DMD: variants seen among roughly 807,000 people sequenced by gnomAD.
The protein encoded by DMD is dystrophin, also known as mutant dystrophin.
DMD carries 63 observed loss-of-function variants against 330.1 expected under a neutral mutation model. That is an observed-to-expected ratio of 0.19 (90% CI 0.16 to 0.24). DMD has a LOEUF of 0.24. Among genes scored for constraint, DMD ranks in the 10% least tolerant of loss-of-function variants. The pLI, the probability that DMD is intolerant of heterozygous loss-of-function variation, is 1.00. For missense variants in DMD, 3,344 were observed against 2,684.1 expected (o/e 1.25, Z -5.43); for synonymous variants, 1,223 against 959.8 (o/e 1.27, Z -5.07).
chrX:32,402,746 A>C lies in DMD; in HGVS notation c.4233+9006T>G, dbSNP rs377637889. 1.0e-3 allele frequency among the ~76,000 whole-genome samples: 112 copies of C among 111,702 alleles called. 1 individual carries two copies. The highest frequency in any genetic ancestry group is 3.5e-3 in the African/African-American group (107 of 30,772). The stretch of plus-strand genomic sequence containing the variant: ...TTCAAAGTATTTTGGAAAGGTTTTC[A>C]GAGCTTCAAAGTTGGGCAATCATAA... On this transcript the variant is annotated intron_variant, in intron 30 of 78. Transcript: ENST00000357033.
intron 25 of DMD, among the ~76,000 whole-genome samples, chrX:32,458,779 T>C (rs1225616131): frequency 8.9e-6 from 1 of 111,843 alleles, no homozygotes; most frequent in Non-Finnish European, 1.9e-5. Context: ...CTGTTGGTCA[T>C]TTCTACGTAT....
At chrX:32,866,752 G>GGGGT (rs2082539861) in intron 2 of DMD, among the ~76,000 whole-genome samples, 1 of 84,104 alleles carries the variant, frequency 1.2e-5, no homozygotes, top group Admixed American at 1.4e-4. Context: ...TGGGGGGGGG[G>GGGGT]GGACAGAGTT....
chrX:31,860,843 C>G (rs1490290519), intron 48 of DMD, among the ~76,000 whole-genome samples: 1 of 112,051 alleles, frequency 8.9e-6, no homozygotes, highest in Admixed American at 9.5e-5. Context: ...AAAATGAAAG[C>G]AAATATTTAC....
intron 54 of DMD, among the ~76,000 whole-genome samples, chrX:31,651,975 G>T (rs1447576615): frequency 8.9e-6 from 1 of 111,741 alleles, no homozygotes. Flanking sequence ...AAAGTCCACA[G>T]GCCTAAAAGG....
chrX:31,977,774 G>A (rs1242982998), intron 44 of DMD, among the ~76,000 whole-genome samples: 4 of 89,078 alleles, frequency 4.5e-5, no homozygotes, highest in Non-Finnish European at 6.5e-5. Context: ...GACTGGGCAC[G>A]CCCTCTGCAA....
chrX:32,401,160 A>G (rs1206961718), intron 30 of DMD, among the ~76,000 whole-genome samples: 35 of 85,293 alleles, frequency 4.1e-4, no homozygotes, highest in Admixed American at 3.2e-3. Context: ...GAAGGGGAAC[A>G]TCACACACCG....
intron 63 of DMD, among the ~76,000 whole-genome samples, chrX:31,256,758 G>A (rs2050001480): frequency 9.5e-6 from 1 of 104,928 alleles, no homozygotes; most frequent in African/African-American, 3.5e-5. Context: ...GTGTGTGTGT[G>A]TGTGTGTGTG....
At chrX:32,505,669 A>G (rs1482986734) in intron 18 of DMD, among the ~76,000 whole-genome samples, 3 of 112,076 alleles carry the variant, frequency 2.7e-5, no homozygotes, top group African/African-American at 9.7e-5. Context: ...CATTTACACA[A>G]AGGAGTCATA....
At chrX:31,709,580 C>CTG (rs1242215099) in intron 52 of DMD, among the ~76,000 whole-genome samples, 16 of 79,423 alleles carry the variant, frequency 2.0e-4, no homozygotes, top group East Asian at 1.2e-3. Flanking sequence ...CTCTCTCTCT[C>CTG]TGTCTGTGTG....
At chrX:32,095,222 A>ATT (rs908776770) in intron 44 of DMD, among the ~76,000 whole-genome samples, 7 of 111,537 alleles carry the variant, frequency 6.3e-5, no homozygotes, top group African/African-American at 2.3e-4. Context: ...AGCTACTTCC[A>ATT]TTTCCTCTAT....
In DMD at chrX:32,800,953, A is replaced by G. The variant is rs757777798; in HGVS notation, c.649+8540T>C. ...ATTTTCTTTATCCAGTCTATCATTG[A>G]TGGGCATTTGGGTTGGTTTCAAGTC... On this transcript the variant is annotated intron_variant, in intron 7 of 78. Transcript: ENST00000357033. 1.1e-4 allele frequency among the ~76,000 whole-genome samples: 12 copies of G among 111,400 alleles called. No homozygotes were observed. In the South Asian group the frequency reaches 4.5e-3, roughly 42 times the overall value.
At chrX:32,498,957 G>A (rs1480820584) in intron 19 of DMD, among the ~76,000 whole-genome samples, 16 of 111,400 alleles carry the variant, frequency 1.4e-4, no homozygotes, top group African/African-American at 4.5e-4. Context: ...TCAACAAATT[G>A]CCTTCAGGAC....
intron 9 of DMD, among the ~76,000 whole-genome samples, chrX:32,673,574 G>A (rs1051286433): frequency 8.9e-6 from 1 of 112,067 alleles, no homozygotes; most frequent in African/African-American, 3.2e-5. Context: ...CAAATCGAAT[G>A]TTTGTATGAA....
At chrX:31,266,960 A>G in intron 62 of DMD, 1 of 1,067,551 alleles carries the variant, frequency 9.4e-7, no homozygotes, top group Non-Finnish European at 1.2e-6. Context: ...ACTGCGGAGG[A>G]GCCGGCGCGG....
intron 41 of DMD, among the ~76,000 whole-genome samples, chrX:32,335,812 T>A (rs1459739297): frequency 9.5e-6 from 1 of 105,603 alleles, no homozygotes; most frequent in Non-Finnish European, 1.9e-5. Flanking sequence ...CACGTGTATA[T>A]ATGTATAACA....
chrX:32,272,996 G>A (rs139518858), intron 43 of DMD, among the ~76,000 whole-genome samples: 94 of 111,540 alleles, frequency 8.4e-4, no homozygotes, highest in African/African-American at 2.8e-3. Flanking sequence ...AAGTAGGAGC[G>A]CTATGACAAC....
Position 33,139,868 on chromosome X carries a change from T to TAAAAAAAAAAA in DMD, c.31+71403_31+71413dup, listed in dbSNP as rs3990971. Among the ~76,000 whole-genome samples, 3 of 64,346 alleles carry TAAAAAAAAAAA rather than the reference T, an allele frequency of 4.7e-5. 1 individual carries two copies. The highest frequency in any genetic ancestry group is 2.4e-4 in the African/African-American group (3 of 12,510). The allele number at this position is 64,346 out of a possible 115,157, so 55.9% of individuals were successfully genotyped here. A position where few individuals can be genotyped will look rare whatever the true frequency, so the allele number is the denominator to read the frequency against. ...GAATTGACTAATACAGCCCCATCGC[T>TAAAAAAAAAAA]AAAAAAAAAAAAAAAAAAAAAAAAA... On this transcript the variant is annotated intron_variant, in intron 1 of 78. Coordinates refer to ENST00000357033, the MANE Select transcript of DMD (RefSeq NM_004006.3).
intron 1 of DMD, among the ~76,000 whole-genome samples, chrX:33,296,900 T>A (rs969611124): frequency 1.4e-4 from 16 of 111,537 alleles, no homozygotes; most frequent in African/African-American, 5.2e-4. Flanking sequence ...TTATTTGATG[T>A]TTAGAAAATT....
intron 60 of DMD, among the ~76,000 whole-genome samples, chrX:31,361,010 G>A (rs2058909575): frequency 9.0e-6 from 1 of 111,101 alleles, no homozygotes; most frequent in Admixed American, 9.6e-5. Context: ...ATCTCTCACA[G>A]TGACCTGGGA....
Sources: gnomAD v4.1 joint callset for allele counts (sites outside exome capture counted in the v4.1 genomes callset) on GRCh38, gnomAD v4.1.1 for gene constraint, MANE v1.5 for transcripts, NCBI Gene and HGNC (gene_info 2026-07-23, HGNC 2026-07-21) for gene names.